The following EDIL3 variants were observed in gnomAD, a reference collection of about 807,000 sequenced individuals.
The protein encoded by EDIL3 is EGF like and discoidin domains 3, also known as EGF-like repeat and discoidin I-like domain-containing protein 3.
Under a neutral mutation model 67.4 loss-of-function variants are expected in EDIL3, and 37 were observed. The observed-to-expected ratio is 0.55, with a 90% CI of 0.42 to 0.72. The LOEUF (loss-of-function observed/expected upper bound fraction) is 0.72, where lower values mean the gene tolerates loss of function less well. Ranked by LOEUF, EDIL3 falls within the 30% of genes least tolerant of loss-of-function variation. The probability of loss-of-function intolerance (pLI) is 0.00; values close to 1 mark genes in which losing one functional copy is unlikely to be tolerated. For synonymous variants in EDIL3, 195 were observed against 196.3 expected (o/e 0.99, Z 0.05); for missense variants, 527 against 586.3 (o/e 0.90, Z 1.04).
Position 84,064,748 on chromosome 5 carries a change from G to A in EDIL3, c.904C>T (p.Arg302Ter), listed in dbSNP as rs1484978532. 1.2e-6 allele frequency: 2 copies of A among 1,613,590 alleles called. No homozygotes were observed. Among genetic ancestry groups the A allele is most frequent in the Non-Finnish European group, 1.7e-6 (2 of 1,179,732 alleles). ...TCCATTCGCAAAGTGCAATGTCTTCGACAAACTTGGGGATAGAGTCTTACA... is the reference window on the plus strand; with the variant it reads ...TCCATTCGCAAAGTGCAATGTCTTCAACAAACTTGGGGATAGAGTCTTACA... ...QYVRLYPQVC[R>*]RHCTLRMELL... The change falls in exon 8 of 11, where the codon CGA becomes TGA. Residue 302 changes from arginine (R) to a stop codon, truncating the protein, a stop_gained. Transcript: ENST00000296591. LOFTEE classifies it high-confidence loss of function.
At chr5:84,312,171 AGCTGGCCGGGCGGGG>A (rs1156331948) in intron 1 of EDIL3, among the ~76,000 whole-genome samples, 4 of 137,270 alleles carry the variant, frequency 2.9e-5, no homozygotes, top group African/African-American at 1.1e-4. Flanking sequence ...CGGACCGGGC[AGCTGGCCGGGCGGGG>A]GCTGACCCCC....
chr5:84,320,467 A>ACT (rs1746613299), intron 1 of EDIL3, among the ~76,000 whole-genome samples: 1 of 151,976 alleles, frequency 6.6e-6, no homozygotes, highest in African/African-American at 2.4e-5. Flanking sequence ...TTTGAGAAGT[A>ACT]TGGCAGCCAG....
rs73151664 is a variant in EDIL3 at position 84,027,836 on chromosome 5, G to A, written c.1137+32464C>T. ...AAATCTGAAGTGAAATAAAAAGGGTGGATCCTGAAGACACTTTGTAATATT... is the reference window on the plus strand; with the variant it reads ...AAATCTGAAGTGAAATAAAAAGGGTAGATCCTGAAGACACTTTGTAATATT... On this transcript the variant is annotated intron_variant, in intron 9 of 10. Transcript: ENST00000296591. 1.1e-3 allele frequency among the ~76,000 whole-genome samples: 161 copies of A among 152,160 alleles called. 1 individual carries two copies. The highest frequency in any genetic ancestry group is 3.7e-3 in the African/African-American group (154 of 41,532).
At chr5:83,990,544 G>T (rs1350462496) in intron 9 of EDIL3, among the ~76,000 whole-genome samples, 5 of 151,070 alleles carry the variant, frequency 3.3e-5, no homozygotes. Flanking sequence ...GTGGAAGTCA[G>T]AAAGAAGACT....
chr5:84,066,371 C>G (rs1746641092), intron 7 of EDIL3, 80 bp downstream of exon 7: 2 of 1,429,982 alleles, frequency 1.4e-6, no homozygotes, highest in Admixed American at 5.7e-5. Flanking sequence ...TAAGTCTTCT[C>G]CTGAAGACCT....
intron 9 of EDIL3, among the ~76,000 whole-genome samples, chr5:84,011,497 T>A (rs1048995507): frequency 8.5e-5 from 13 of 152,312 alleles, no homozygotes; most frequent in African/African-American, 2.2e-4. Flanking sequence ...TTTCCTACAG[T>A]CAATTCTCTT....
intron 4 of EDIL3, among the ~76,000 whole-genome samples, chr5:84,172,016 T>C (rs1273104512): frequency 6.6e-6 from 1 of 152,164 alleles, no homozygotes; most frequent in Non-Finnish European, 1.5e-5. Context: ...CTCTATGGAT[T>C]GGCAAGAGGA....
intron 4 of EDIL3, among the ~76,000 whole-genome samples, chr5:84,147,727 T>TA (rs561880239): frequency 8.7e-4 from 126 of 144,692 alleles, no homozygotes; most frequent in Middle Eastern, 3.6e-3. Flanking sequence ...GACCTTAACT[T>TA]AAAAAAAAAA....
chr5:84,275,586 A>G (rs1418536650), intron 1 of EDIL3, among the ~76,000 whole-genome samples: 1 of 152,160 alleles, frequency 6.6e-6, no homozygotes, highest in East Asian at 1.9e-4. Flanking sequence ...CTTATTTCCA[A>G]CTGAATTGGT....
At chr5:84,093,677 T>TTC (rs386404322) in intron 6 of EDIL3, among the ~76,000 whole-genome samples, 14 of 149,606 alleles carry the variant, frequency 9.4e-5, no homozygotes, top group Non-Finnish European at 1.5e-4. Flanking sequence ...TTTTTTTTTT[T>TTC]CAGACGGGGT....
chr5:84,034,223 C>T (rs1209807899), intron 9 of EDIL3, among the ~76,000 whole-genome samples: 1 of 152,184 alleles, frequency 6.6e-6, no homozygotes, highest in Non-Finnish European at 1.5e-5. Flanking sequence ...TGCCATTAAA[C>T]ACAAACACAG....
intron 5 of EDIL3, among the ~76,000 whole-genome samples, chr5:84,115,984 G>A (rs1028400925): frequency 3.3e-5 from 5 of 152,130 alleles, no homozygotes; most frequent in Non-Finnish European, 5.9e-5. Context: ...ATCAGGCTAC[G>A]TGCCCTAAGG....
At chr5:84,256,139 T>TCTAC (rs1745119420) in intron 1 of EDIL3, among the ~76,000 whole-genome samples, 1 of 98,798 alleles carries the variant, frequency 1.0e-5, no homozygotes, top group African/African-American at 4.0e-5. Context: ...TATCTATCTA[T>TCTAC]CTATCTATCA....
At chr5:84,273,374 C>T (rs1192345297) in intron 1 of EDIL3, among the ~76,000 whole-genome samples, 2 of 152,090 alleles carry the variant, frequency 1.3e-5, no homozygotes, top group East Asian at 3.9e-4. Context: ...TGAATCTGCT[C>T]ATAATGAACC....
chr5:84,231,834 G>A (rs1306385614), intron 2 of EDIL3, among the ~76,000 whole-genome samples: 4 of 152,198 alleles, frequency 2.6e-5, no homozygotes, highest in African/African-American at 9.6e-5. Context: ...GGGGCTTGCA[G>A]AAGTGCTGAC....
At chr5:84,341,170 CAT>C (rs1485847845) in intron 1 of EDIL3, among the ~76,000 whole-genome samples, 1 of 151,996 alleles carries the variant, frequency 6.6e-6, no homozygotes, top group Non-Finnish European at 1.5e-5. Flanking sequence ...ACAACTTTTG[CAT>C]AAATAGGCTC....
At chr5:84,105,049 T>A (rs1747434016) in intron 6 of EDIL3, among the ~76,000 whole-genome samples, 1 of 152,114 alleles carries the variant, frequency 6.6e-6, no homozygotes, top group African/African-American at 2.4e-5. Flanking sequence ...AGTTTTATCA[T>A]GACCACAGTC....
chr5:84,171,913 A>G (rs1453429270), intron 4 of EDIL3, among the ~76,000 whole-genome samples: 1 of 152,188 alleles, frequency 6.6e-6, no homozygotes, highest in East Asian at 1.9e-4. Context: ...TGTAGCCAAG[A>G]TTGAAAACCA....
chr5:84,111,662 T>A (rs1747567121), intron 5 of EDIL3, among the ~76,000 whole-genome samples: 1 of 152,048 alleles, frequency 6.6e-6, no homozygotes. Context: ...TGGTATGTGC[T>A]ATGAAGGAAA....
Sources: gnomAD v4.1 joint callset for allele counts (sites outside exome capture counted in the v4.1 genomes callset) on GRCh38, gnomAD v4.1.1 for gene constraint, MANE v1.5 for transcripts, NCBI Gene and HGNC (gene_info 2026-07-23, HGNC 2026-07-21) for gene names.